GRIPAP1: variants seen among roughly 807,000 people sequenced by gnomAD.
GRIPAP1 encodes the protein GRIP1-associated protein 1.
In GRIPAP1, 14 loss-of-function variants were observed where a neutral mutation model predicts 84.1. The ratio of observed to expected loss-of-function variants is 0.17; its 90% CI spans 0.11 to 0.26. The LOEUF is 0.26. GRIPAP1 is among the 10% of genes least tolerant of loss of function. GRIPAP1 has a pLI of 1.00. For missense variants in GRIPAP1, 518 were observed against 674.2 expected, an observed-to-expected ratio of 0.77 and a Z score of 2.57; for synonymous variants, 261 against 256.8, an observed-to-expected ratio of 1.02 and a Z score of -0.15.
Position 48,993,505 on chromosome X carries a change from G to A in GRIPAP1, c.380C>T (p.Ala127Val). The part of the protein sequence containing the change: ...LKEGAAGAGV[A>V]QAGPLVDGEL... ...CCCATCCACGAGGGGCCCAGCTTGGGCAACCCCTGCTCCTGCAGCCCCCTC... is the reference window on the plus strand; with the variant it reads ...CCCATCCACGAGGGGCCCAGCTTGGACAACCCCTGCTCCTGCAGCCCCCTC... The change falls in exon 6 of 26, where the codon GCC becomes GTC. Residue 127 changes from alanine to valine, a missense_variant. This residue lies in a region of GRIPAP1 where 372 missense variants were observed against 458.1 expected (regional missense o/e 0.81). Transcript: ENST00000376423. The A allele has an allele frequency of 8.4e-7, 1 of 1,190,522 alleles. No individual in the cohort carries two copies. The highest frequency in any genetic ancestry group is 1.9e-5 in the South Asian group (1 of 53,864).
intron 1 of GRIPAP1, among the ~76,000 whole-genome samples, chrX:49,001,636 G>A (rs1557068622): frequency 2.7e-5 from 3 of 109,890 alleles, no homozygotes; most frequent in African/African-American, 1.0e-4. Context: ...CTCTTAGGAT[G>A]CACTACCAAC....
intron 16 of GRIPAP1, 47 bp downstream of exon 16, chrX:48,983,181 G>A (rs782657228): frequency 8.6e-7 from 1 of 1,162,072 alleles, no homozygotes; most frequent in South Asian, 1.8e-5. Flanking sequence ...CAACGCTGTG[G>A]TTCCCAGGTT....
At chrX:48,989,510 G>A (rs1266012046) in intron 11 of GRIPAP1, 101 bp downstream of exon 11, 3 of 537,165 alleles carry the variant, frequency 5.6e-6, no homozygotes, top group Non-Finnish European at 9.3e-6. Flanking sequence ...TCCAACACAG[G>A]AAATCTCAGA....
chrX:48,981,079 A>G, intron 21 of GRIPAP1, 136 bp downstream of exon 21: 1 of 465,112 alleles, frequency 2.2e-6, no homozygotes, highest in Non-Finnish European at 3.8e-6. Context: ...GACAGAGAAA[A>G]GGTAAAAGAT....
intron 11 of GRIPAP1, 97 bp from the exon 12 acceptor site, chrX:48,988,295 C>A: frequency 1.7e-6 from 1 of 588,288 alleles, no homozygotes; most frequent in South Asian, 2.6e-5. Flanking sequence ...AGCATGTTCT[C>A]AGCACCTGTG....
At chrX:48,991,169 G>T in intron 6 of GRIPAP1, 59 bp from the exon 7 acceptor site, 1 of 850,337 alleles carries the variant, frequency 1.2e-6, no homozygotes, top group Non-Finnish European at 1.7e-6. Context: ...CCCTTGCCAT[G>T]CCTCGAATAG....
Position 48,993,418 on chromosome X carries a change from C to G in GRIPAP1, c.457+10G>C. On this transcript the variant is annotated intron_variant, in intron 6 of 25. Coordinates refer to ENST00000376423, the MANE Select transcript of GRIPAP1 (RefSeq NM_020137.5). ...AATGTCTCCGCATCCCCAGGAGGGC[C>G]TCTATGCACCTGCCACGTTCTTCTG... is the stretch of plus-strand genomic sequence containing the variant. 3 of 1,126,169 alleles carry G rather than the reference C, an allele frequency of 2.7e-6. No individual in the cohort carries two copies. The East Asian group carries it at 1.0e-4, about 39-fold the overall frequency. The allele number at this position is 1,126,169 out of a possible 1,213,427, so 92.8% of individuals were successfully genotyped here.
At chrX:48,992,099 A>G (rs1159483966) in intron 6 of GRIPAP1, among the ~76,000 whole-genome samples, 2 of 111,250 alleles carry the variant, frequency 1.8e-5, no homozygotes, top group African/African-American at 6.5e-5. Flanking sequence ...TCTGCCTCCC[A>G]GGTTCAAGTG....
rs1243055982 is a variant in GRIPAP1 at position 48,991,094 on chromosome X, A to G, written c.474T>C (p.Tyr158=). 19 of 1,195,446 alleles carry G rather than the reference A, an allele frequency of 1.6e-5. No individual in the cohort carries two copies. Among genetic ancestry groups the G allele is most frequent in the East Asian group, 3.0e-5 (1 of 33,706 alleles). The change falls in exon 7 of 26, where the codon TAT becomes TAC. Residue 158 remains tyrosine (Y), a synonymous_variant. Coordinates refer to ENST00000376423, the MANE Select transcript of GRIPAP1 (RefSeq NM_020137.5). ...QKNVAALQER[Y]GKEAGKFSAV... is the part of the protein sequence containing the mutation. ...CTGAGAACTTCCCGGCTTCTTTCCCATAGCGTTCCTGCAGGGCTGGTGAGT... is the reference window on the plus strand; with the variant it reads ...CTGAGAACTTCCCGGCTTCTTTCCCGTAGCGTTCCTGCAGGGCTGGTGAGT...
At chrX:48,995,048 G>A (rs964189208) in intron 5 of GRIPAP1, among the ~76,000 whole-genome samples, 1 of 112,119 alleles carries the variant, frequency 8.9e-6, no homozygotes, top group African/African-American at 3.2e-5. Flanking sequence ...GCTTACAACT[G>A]TATTTCCAGA....
At position 48,976,274 on chromosome X, in the gene GRIPAP1, C is replaced by G; in HGVS notation, c.2151G>C (p.Glu717Asp). The G allele has an allele frequency of 8.5e-7, 1 of 1,174,715 alleles. No homozygotes were observed. Among genetic ancestry groups the G allele is most frequent in the East Asian group, 3.2e-5 (1 of 31,376 alleles). ...CCAGCATCCATTTCTCCTGCTGTGT[C>G]TCTGCCAGCCGCTGAAAGAGCTCAG... ...EVAELFQRLA[E>D]TQQEKWMLEE... The change falls in exon 23 of 26, where the codon GAG becomes GAC. Residue 717 changes from glutamate (E) to aspartate (D), a missense_variant. This residue lies in a region of GRIPAP1 where 66 missense variants were observed against 65.2 expected (regional missense o/e 1.01). Coordinates refer to ENST00000376423, the MANE Select transcript of GRIPAP1 (RefSeq NM_020137.5).
At position 48,999,610 on chromosome X, in the gene GRIPAP1, G is replaced by A. The variant is rs782003834; in HGVS notation, c.43-106C>T. The A allele has an allele frequency of 4.1e-3, 2,157 of 522,972 alleles. 14 individuals are homozygous for A. The highest frequency in any genetic ancestry group is 5.9e-3 in the Non-Finnish European group (1,776 of 302,548). The allele number at this position is 522,972 out of a possible 1,213,427, so 43.1% of individuals were successfully genotyped here. ...TCCACAGACCTTACGCCCTCCATGTGCCTCTGTAGCTACTCCTTAAGACCT... is the reference window on the plus strand; with the variant it reads ...TCCACAGACCTTACGCCCTCCATGTACCTCTGTAGCTACTCCTTAAGACCT... On this transcript the variant is annotated intron_variant, in intron 1 of 25. Coordinates refer to ENST00000376423, the MANE Select transcript of GRIPAP1 (RefSeq NM_020137.5).
intron 17 of GRIPAP1, among the ~76,000 whole-genome samples, chrX:48,982,438 C>A (rs1476041495): frequency 8.9e-6 from 1 of 112,720 alleles, no homozygotes; most frequent in Non-Finnish European, 1.9e-5. Flanking sequence ...GTACAGTACA[C>A]GATATCAGCT....
Position 48,974,106 on chromosome X carries a change from C to T in GRIPAP1, c.*87G>A, listed in dbSNP as rs1557059698. 4 of 584,405 alleles carry T rather than the reference C, an allele frequency of 6.8e-6. No homozygotes were observed. The highest frequency in any genetic ancestry group is 2.3e-5 in the African/African-American group (1 of 44,072). 48.2% of individuals were successfully genotyped at this position (584,405 alleles called of 1,213,427 possible). A position where few individuals can be genotyped will look rare whatever the true frequency, so the allele number is the denominator to read the frequency against. On this transcript the variant is annotated 3_prime_UTR_variant, in exon 26 of 26. Coordinates refer to ENST00000376423, the MANE Select transcript of GRIPAP1 (RefSeq NM_020137.5). ...AGTCTCCCAAGCTATTTGATTTTGG[C>T]TCCAGCCCTCATTTTTCCACCACAG...
rs141854617 is a variant in GRIPAP1, at chrX:48,982,536, C to G, written c.1599+443G>C. Among the ~76,000 whole-genome samples, 887 of 111,990 alleles carry G rather than the reference C, an allele frequency of 7.9e-3. 7 individuals are homozygous for G. The highest frequency in any genetic ancestry group is 0.027 in the African/African-American group (826 of 30,802). On this transcript the variant is annotated intron_variant, in intron 17 of 25. Coordinates refer to ENST00000376423, the MANE Select transcript of GRIPAP1 (RefSeq NM_020137.5). ...AATTACAGGCGCCAGCCACCATGCC[C>G]GGCTAATTTTTGTATTTTTAGTAGA...
chrX:48,978,877 A>G (rs1192034162), intron 21 of GRIPAP1, among the ~76,000 whole-genome samples: 9 of 105,380 alleles, frequency 8.5e-5, no homozygotes, highest in African/African-American at 3.3e-4. Context: ...CCTGGGTGAC[A>G]GAGTGAGACT....
chrX:48,996,058 G>A (rs1163804143), intron 5 of GRIPAP1, among the ~76,000 whole-genome samples: 1 of 111,860 alleles, frequency 8.9e-6, no homozygotes, highest in Non-Finnish European at 1.9e-5. Context: ...TGAAGAGGCA[G>A]GTACTGTTAT....
At chrX:48,991,310 T>C in intron 6 of GRIPAP1, 200 bp from the exon 7 acceptor site, 2 of 420,670 alleles carry the variant, frequency 4.8e-6, no homozygotes, top group South Asian at 7.2e-5. Context: ...GACAGGGACT[T>C]GCTCTGTCAC....
rs782267809 is a variant in GRIPAP1, at chrX:48,991,434, C to G, written c.458-324G>C. 1.4e-5 allele frequency: 3 copies of G among 213,152 alleles called. No individual in the cohort carries two copies. In the South Asian group the frequency reaches 4.1e-4, roughly 29 times the overall value. 17.6% of individuals were successfully genotyped at this position (213,152 alleles called of 1,213,427 possible). On this transcript the variant is annotated intron_variant, in intron 6 of 25. Coordinates refer to ENST00000376423, the MANE Select transcript of GRIPAP1 (RefSeq NM_020137.5). ...AGCTGGGATCAGAGGTGTGTGCCATCATGCCGGGCTAATTTTTTGATTTTT... is the reference window on the plus strand; with the variant it reads ...AGCTGGGATCAGAGGTGTGTGCCATGATGCCGGGCTAATTTTTTGATTTTT...
Sources: gnomAD v4.1 joint callset for allele counts (sites outside exome capture counted in the v4.1 genomes callset) on GRCh38, gnomAD v4.1.1 for gene constraint, gnomAD v4.1.1 regional missense constraint, MANE v1.5 for transcripts, NCBI Gene and HGNC (gene_info 2026-07-23, HGNC 2026-07-21) for gene names.